NOMO1: variants seen among roughly 807,000 people sequenced by gnomAD.
The protein encoded by NOMO1 is nodal modulator 3.
NOMO1 carries 40 observed loss-of-function variants against 133.8 expected under a neutral mutation model. The ratio of observed to expected loss-of-function variants is 0.30; its 90% CI spans 0.23 to 0.39. The LOEUF (loss-of-function observed/expected upper bound fraction) is 0.39. Among genes scored for constraint, NOMO1 ranks in the 10% least tolerant of loss-of-function variants. NOMO1 has a pLI of 1.00. For synonymous variants in NOMO1, 236 were observed against 570.5 expected, an observed-to-expected ratio of 0.41 and a Z score of 8.36; for missense variants, 462 against 1,419.9, an observed-to-expected ratio of 0.33 and a Z score of 10.84.
intron 14 of NOMO1, 47 bp from the exon 15 acceptor site, chr16:14,866,508 G>A: frequency 6.2e-7 from 1 of 1,610,144 alleles, no homozygotes; most frequent in Middle Eastern, 2.3e-4. Flanking sequence ...GGAGGGAGGT[G>A]GTGTGCTCCA....
At chr16:14,887,279 C>T (rs1284950432) in intron 28 of NOMO1, among the ~76,000 whole-genome samples, 1 of 151,572 alleles carries the variant, frequency 6.6e-6, no homozygotes, top group Non-Finnish European at 1.5e-5. Context: ...CAAATCTGTT[C>T]CTCATCATCA....
At chr16:14,892,230 G>A (rs1964414690) in intron 29 of NOMO1, among the ~76,000 whole-genome samples, 1 of 151,540 alleles carries the variant, frequency 6.6e-6, no homozygotes, top group Admixed American at 6.6e-5. Flanking sequence ...GGGCGACAGA[G>A]CAAGACTGTT....
chr16:14,866,089 G>A (rs566578501), intron 14 of NOMO1, among the ~76,000 whole-genome samples: 15 of 147,914 alleles, frequency 1.0e-4, no homozygotes, highest in South Asian at 4.2e-4. Context: ...ATTTAGCCTC[G>A]CTCTGTCACC....
chr16:14,884,261 A>C (rs1410183815), intron 26 of NOMO1, 111 bp from the exon 27 acceptor site: 3 of 1,503,002 alleles, frequency 2.0e-6, no homozygotes, highest in Non-Finnish European at 2.7e-6. Flanking sequence ...TCGCTTCCTT[A>C]ATGTAAGAAG....
chr16:14,850,112 C>T (rs1963736241), intron 6 of NOMO1, among the ~76,000 whole-genome samples: 1 of 149,844 alleles, frequency 6.7e-6, no homozygotes, highest in Non-Finnish European at 1.5e-5. Flanking sequence ...CTCTTGTTGC[C>T]CAGGCTGGAG....
At position 14,886,858 on chromosome 16, in the gene NOMO1, G is replaced by A; in HGVS notation, c.3320G>A (p.Gly1107Asp). Residue 1107 changes from glycine to aspartate, a missense_variant, in exon 28 of 31, where the codon GGC becomes GAC. Gly to Asp is a moderately conservative substitution (Grantham distance 94). Transcript: ENST00000287667. ...CATTTCCCCCCACTGCTCAGAGACG[G>A]CGAGGTAATGCCTGTGGCCGGATTC... The part of the protein sequence containing the change: ...FFHFPPLLRD[G>D]ENYVVLLDST... 3 of 1,611,790 alleles carry A rather than the reference G, an allele frequency of 1.9e-6. No homozygotes were observed. Among genetic ancestry groups the A allele is most frequent in the East Asian group, 2.2e-5 (1 of 44,872 alleles).
intron 26 of NOMO1, among the ~76,000 whole-genome samples, chr16:14,882,994 A>G (rs1382500151): frequency 6.6e-6 from 1 of 152,124 alleles, no homozygotes; most frequent in East Asian, 1.9e-4. Flanking sequence ...AGGGACAATA[A>G]TAGAACATGG....
In NOMO1 at chr16:14,853,544, G is replaced by T. The variant is rs758903904; in HGVS notation, c.813G>T (p.Thr271=). The change falls in exon 8 of 31, where the codon ACG becomes ACT. Residue 271 remains threonine, a synonymous_variant. Transcript: ENST00000287667. ...QDESLVYLCY[T]VSREDGSFSF... is the part of the protein sequence containing the mutation. Reference sequence around the variant, plus strand: ...AGAGTCTGGTGTATTTGTGCTACACGGTCTCCAGAGAAGATGGCTCGTTCT... The same window carrying T: ...AGAGTCTGGTGTATTTGTGCTACACTGTCTCCAGAGAAGATGGCTCGTTCT... 1.9e-6 allele frequency: 3 copies of T among 1,608,006 alleles called. No homozygotes were observed. The highest frequency in any genetic ancestry group is 2.2e-5 in the South Asian group (2 of 90,726).
At chr16:14,881,362 C>G (rs1245535229) in intron 24 of NOMO1, among the ~76,000 whole-genome samples, 182 bp from the exon 25 acceptor site, 1 of 151,984 alleles carries the variant, frequency 6.6e-6, no homozygotes, top group African/African-American at 2.4e-5. Context: ...TTGATGGCAG[C>G]TTATCCCTCC....
In NOMO1 at chr16:14,853,527, G is replaced by C. The variant is rs753557936; in HGVS notation, c.796G>C (p.Val266Leu). 1 of 1,604,318 alleles carries C rather than the reference G, an allele frequency of 6.2e-7. No individual in the cohort carries two copies. The highest frequency in any genetic ancestry group is 2.2e-5 in the East Asian group (1 of 44,564). Residue 266 changes from valine (V) to leucine (L), a missense_variant, in exon 8 of 31, where the codon GTG becomes CTG. Physicochemically the swap from Val to Leu is conservative, Grantham distance 32. Transcript: ENST00000287667. ...GTTCCAGCCCCAAGACGAGAGTCTG[G>C]TGTATTTGTGCTACACGGTCTCCAG... ...PGFQPQDESL[V>L]YLCYTVSRED... is the part of the protein sequence containing the mutation.
chr16:14,894,362 GT>G (rs1964449664), intron 29 of NOMO1, among the ~76,000 whole-genome samples: 1 of 152,148 alleles, frequency 6.6e-6, no homozygotes, highest in African/African-American at 2.4e-5. Context: ...TACCGCTTCT[GT>G]TCCTGTACCA....
rs770731946 is a variant in NOMO1, at chr16:14,882,602, T to A, written c.3036T>A (p.Cys1012Ter). Residue 1012 changes from cysteine (C) to a stop codon, truncating the protein, a stop_gained, in exon 26 of 31, where the codon TGT becomes TGA. Transcript: ENST00000287667. LOFTEE classifies it high-confidence loss of function. ...KFRLRGLLPG[C>*]VYHVQLKAEG... ...CCTGAGTTTTTTTGCAGCCGGGATG[T>A]GTGTACCACGTTCAGCTCAAGGCAG... 1 of 1,611,656 alleles carries A rather than the reference T, an allele frequency of 6.2e-7. No homozygotes were observed.
intron 26 of NOMO1, among the ~76,000 whole-genome samples, chr16:14,883,119 C>A (rs1396418724): frequency 1.3e-5 from 2 of 151,944 alleles, no homozygotes; most frequent in Admixed American, 6.6e-5. Flanking sequence ...CTAAATTAAT[C>A]CCTAAAGAGG....
At chr16:14,837,069 G>C (rs1963527364) in intron 1 of NOMO1, among the ~76,000 whole-genome samples, 1 of 151,676 alleles carries the variant, frequency 6.6e-6, no homozygotes. Context: ...TCAGGCTGGA[G>C]TATAGTGGCA....
chr16:14,886,727 T>G, intron 27 of NOMO1, 34 bp from the exon 28 acceptor site: 1 of 1,610,780 alleles, frequency 6.2e-7, no homozygotes, highest in Non-Finnish European at 8.5e-7. Context: ...GTGTTTCAGT[T>G]TCAAAGCATG....
chr16:14,878,088 C>T (rs982433150), intron 22 of NOMO1, among the ~76,000 whole-genome samples: 30 of 151,740 alleles, frequency 2.0e-4, no homozygotes, highest in Non-Finnish European at 3.2e-4. Flanking sequence ...AGGAAGAGAG[C>T]AAGAACTGTA....
At chr16:14,850,368 G>A (rs529225816) in intron 6 of NOMO1, among the ~76,000 whole-genome samples, 4 of 152,026 alleles carry the variant, frequency 2.6e-5, no homozygotes, top group East Asian at 1.9e-4. Flanking sequence ...GGGGGACTTC[G>A]GGGTATGCCA....
Position 14,868,978 on chromosome 16 carries a change from A to G in NOMO1, c.1894+343A>G, listed in dbSNP as rs1372882655. Among the ~76,000 whole-genome samples the G allele has an allele frequency of 8.3e-3, 1,219 of 147,326 alleles. 2 individuals carry two copies. The highest frequency in any genetic ancestry group is 0.028 in the African/African-American group (1,131 of 39,800). On this transcript the variant is annotated intron_variant, in intron 16 of 30. Coordinates refer to ENST00000287667, the MANE Select transcript of NOMO1 (RefSeq NM_014287.4). ...TTTTGAGATGGAGTCTTGCTCTGTC[A>G]CCCAGGCTGGAGTGTAGTGGCTTGA...
intron 27 of NOMO1, among the ~76,000 whole-genome samples, chr16:14,886,037 G>A (rs1309439007): frequency 1.3e-5 from 2 of 151,936 alleles, no homozygotes; most frequent in African/African-American, 4.8e-5. Flanking sequence ...ATTCTCTTGC[G>A]GCAGGTGCAC....
Sources: allele counts gnomAD v4.1 joint callset (sites outside exome capture counted in the v4.1 genomes callset), GRCh38; gene constraint gnomAD v4.1.1; transcripts MANE v1.5; gene names NCBI Gene and HGNC (gene_info 2026-07-23, HGNC 2026-07-21).